Variants in ZNF486 observed in about 807,000 individuals in gnomAD.
The protein encoded by ZNF486 is zinc finger protein 486.
ZNF486 carries 12 observed loss-of-function variants against 12.8 expected under a neutral mutation model. The ratio of observed to expected loss-of-function variants is 0.94; its 90% CI spans 0.60 to 1.52. The LOEUF is 1.52. Among genes scored for constraint, ZNF486 ranks in the 40% most tolerant of loss-of-function variants. ZNF486 has a pLI of 0.00. For synonymous variants in ZNF486, 231 were observed against 184.9 expected (o/e 1.25, Z -2.02); for missense variants, 738 against 545.0 (o/e 1.35, Z -3.53).
chr19:20,171,913 CTT>C (rs1233661994), intron 1 of ZNF486, among the ~76,000 whole-genome samples: 2 of 152,054 alleles, frequency 1.3e-5, no homozygotes, highest in African/African-American at 4.8e-5. Flanking sequence ...TTGTTCTCCT[CTT>C]TGTGTTCATG....
intron 3 of ZNF486, chr19:20,188,686 G>A (rs2122667058): frequency 2.6e-6 from 1 of 380,952 alleles, no homozygotes; most frequent in Non-Finnish European, 4.6e-6. Flanking sequence ...GGCATGTTAA[G>A]TATATTCTCA....
chr19:20,196,374 G>T (rs1326454110), intron 3 of ZNF486, among the ~76,000 whole-genome samples: 1 of 152,106 alleles, frequency 6.6e-6, no homozygotes, highest in African/African-American at 2.4e-5. Flanking sequence ...TGTCGCCCAG[G>T]CCGGAGTGCA....
rs782343306 is a variant in ZNF486, at chr19:20,197,093, G to T, written c.383G>T (p.Ser128Ile). 3.3e-5 allele frequency: 53 copies of T among 1,613,026 alleles called. No homozygotes were observed. Among genetic ancestry groups the T allele is most frequent in the Admixed American group, 2.2e-4 (13 of 59,762 alleles). Residue 128 changes from serine to isoleucine, a missense_variant, in exon 4 of 4, where the codon AGT becomes ATT. By Grantham distance (142) the Ser-to-Ile change is moderately radical (BLOSUM62 -2). Coordinates refer to ENST00000335117, the MANE Select transcript of ZNF486 (RefSeq NM_052852.4). ...TTACACTTTAAAAAAGGCTGTGAAAGTGTGGATGAGTGTAAGTTACACAAA... is the reference window on the plus strand; with the variant it reads ...TTACACTTTAAAAAAGGCTGTGAAATTGTGGATGAGTGTAAGTTACACAAA... ...GNLHFKKGCE[S>I]VDECKLHKRG... is the part of the protein sequence containing the mutation.
intron 1 of ZNF486, among the ~76,000 whole-genome samples, chr19:20,178,976 T>C (rs191893183): frequency 6.6e-6 from 1 of 152,330 alleles, no homozygotes; most frequent in East Asian, 1.9e-4. Context: ...AATGTGCAGG[T>C]AACACCTGCT....
intron 3 of ZNF486, among the ~76,000 whole-genome samples, chr19:20,189,474 A>G (rs1379496865): frequency 6.6e-6 from 1 of 152,172 alleles, no homozygotes; most frequent in Non-Finnish European, 1.5e-5. Flanking sequence ...CATGGGTTTC[A>G]TTTTTATTGC....
chr19:20,175,702 C>T (rs566918041), intron 1 of ZNF486, among the ~76,000 whole-genome samples: 4 of 152,164 alleles, frequency 2.6e-5, no homozygotes, highest in Non-Finnish European at 5.9e-5. Flanking sequence ...TTAGTACAGA[C>T]CAAAATGAAA....
chr19:20,177,997 C>G (rs1354580765), intron 1 of ZNF486, among the ~76,000 whole-genome samples: 2 of 150,060 alleles, frequency 1.3e-5, no homozygotes, highest in African/African-American at 2.5e-5. Flanking sequence ...AAACTTGGCT[C>G]GCTGCAACCT....
Position 20,198,012 on chromosome 19 carries a change from C to T in ZNF486, c.1302C>T (p.Tyr434=). The T allele has an allele frequency of 6.2e-7, 1 of 1,613,378 alleles. No individual in the cohort carries two copies. The highest frequency in any genetic ancestry group is 8.5e-7 in the Non-Finnish European group (1 of 1,179,596). The part of the protein sequence containing the change: ...HKTTHTGEKP[Y]KCKECGKAFN... ...CAACTCATACTGGAGAGAAACCTTA[C>T]AAATGTAAAGAATGTGGCAAAGCTT... The change falls in exon 4 of 4, where the codon TAC becomes TAT. Residue 434 remains tyrosine (Y), a synonymous_variant. Coordinates refer to ENST00000335117, the MANE Select transcript of ZNF486 (RefSeq NM_052852.4).
rs10401241 is a variant in ZNF486, at chr19:20,187,446, C to T, written c.253+1364C>T. Among the ~76,000 whole-genome samples, 168 of 150,674 alleles carry T rather than the reference C, an allele frequency of 1.1e-3. 1 individual carries two copies. Among genetic ancestry groups the T allele is most frequent in the African/African-American group, 4.0e-3 (165 of 41,064 alleles). On this transcript the variant is annotated intron_variant, in intron 3 of 3. Coordinates refer to ENST00000335117, the MANE Select transcript of ZNF486 (RefSeq NM_052852.4). ...TTAAAATAGAAGCATTGACAATGGG[C>T]ACAATATAGTTTTGTATTGGTGCCT... is the stretch of plus-strand genomic sequence containing the variant.
intron 1 of ZNF486, among the ~76,000 whole-genome samples, chr19:20,171,422 C>T (rs1189738116): frequency 2.6e-5 from 4 of 152,204 alleles, no homozygotes; most frequent in Non-Finnish European, 5.9e-5. Flanking sequence ...CAGGACTAGG[C>T]ATCACCCTCA....
intron 3 of ZNF486, among the ~76,000 whole-genome samples, chr19:20,196,051 T>C (rs181067509): frequency 1.3e-5 from 2 of 152,322 alleles, no homozygotes; most frequent in Non-Finnish European, 1.5e-5. Flanking sequence ...CAGAGTCTCA[T>C]TCTGTTACCT....
intron 1 of ZNF486, among the ~76,000 whole-genome samples, chr19:20,173,787 G>A (rs1180842561): frequency 1.3e-5 from 2 of 151,668 alleles, no homozygotes; most frequent in Non-Finnish European, 2.9e-5. Context: ...AGCTGAGATA[G>A]TGCCACTGCA....
chr19:20,171,599 A>C (rs956456764), intron 1 of ZNF486, among the ~76,000 whole-genome samples: 1 of 152,208 alleles, frequency 6.6e-6, no homozygotes, highest in African/African-American at 2.4e-5. Flanking sequence ...TTATAATTTC[A>C]TCTGCCTACA....
chr19:20,169,992 G>A (rs1482606329), intron 1 of ZNF486, among the ~76,000 whole-genome samples: 3 of 147,012 alleles, frequency 2.0e-5, no homozygotes, highest in African/African-American at 5.1e-5. Flanking sequence ...CCGGGTTCAC[G>A]CCATTCTCCT....
Position 20,197,928 on chromosome 19 carries a change from C to G in ZNF486, c.1218C>G (p.Tyr406Ter). Reference protein sequence around the residue: ...HRRTHTGEKPYKCEECGKAYT... With the variant: ...HRRTHTGEKP ...GAACTCATACTGGAGAGAAACCCTA[C>G]AAATGTGAAGAATGTGGCAAAGCGT... The change falls in exon 4 of 4, where the codon TAC becomes TAG. Residue 406 changes from tyrosine to a stop codon, truncating the protein, a stop_gained. Transcript: ENST00000335117. LOFTEE classifies it low-confidence loss of function (END_TRUNC). 1 of 1,613,780 alleles carries G rather than the reference C, an allele frequency of 6.2e-7. No individual in the cohort carries two copies. The highest frequency in any genetic ancestry group is 8.5e-7 in the Non-Finnish European group (1 of 1,179,792).
At chr19:20,174,213 C>T (rs2089680404) in intron 1 of ZNF486, among the ~76,000 whole-genome samples, 1 of 152,074 alleles carries the variant, frequency 6.6e-6, no homozygotes, top group Non-Finnish European at 1.5e-5. Context: ...CCAATATTTG[C>T]AGGCTGAAGT....
intron 1 of ZNF486, among the ~76,000 whole-genome samples, chr19:20,171,707 A>T (rs932800334): frequency 1.3e-5 from 2 of 152,220 alleles, no homozygotes; most frequent in South Asian, 4.1e-4. Flanking sequence ...CCACCCAGGA[A>T]TTATTTTTTT....
intron 3 of ZNF486, among the ~76,000 whole-genome samples, chr19:20,189,825 T>G (rs1012350940): frequency 1.3e-5 from 2 of 152,214 alleles, no homozygotes. Context: ...TGATGTCTAG[T>G]GTAGTTAAAC....
rs1555718615 is a variant in ZNF486 at position 20,199,601 on chromosome 19, A to T, written c.*1499A>T. The T allele has an allele frequency of 6.6e-6, 1 of 151,274 alleles. No individual in the cohort carries two copies. The highest frequency in any genetic ancestry group is 2.4e-5 in the African/African-American group (1 of 41,054). The allele number at this position is 151,274 out of a possible 1,614,324, so 9.4% of individuals were successfully genotyped here. On this transcript the variant is annotated 3_prime_UTR_variant, in exon 4 of 4. Transcript: ENST00000335117. ...TAAAATTAGCCATGCATGGTGGCAC[A>T]TGCCTGTAATCCCAGCTACTCAGGA...
Sources: allele counts gnomAD v4.1 joint callset (sites outside exome capture counted in the v4.1 genomes callset), GRCh38; gene constraint gnomAD v4.1.1; transcripts MANE v1.5; gene names NCBI Gene and HGNC (gene_info 2026-07-23, HGNC 2026-07-21).